Variants in FLACC1 observed in about 807,000 individuals in gnomAD.
The protein encoded by FLACC1 is flagellum-associated coiled-coil domain-containing protein 1.
In FLACC1, 66 loss-of-function variants were observed where a neutral mutation model predicts 62.8. The ratio of observed to expected loss-of-function variants is 1.05; its 90% CI spans 0.86 to 1.29. The LOEUF is 1.29. Ranked by LOEUF, FLACC1 falls within the 50% of genes most tolerant of loss-of-function variation. The pLI is 0.00. For synonymous variants in FLACC1, 156 were observed against 161.0 expected (o/e 0.97, Z 0.24); for missense variants, 452 against 489.1 (o/e 0.92, Z 0.71).
chr2:201,346,663 CGTT>C lies in FLACC1; in HGVS notation c.244_246del (p.Asn82del). 6.2e-7 allele frequency: 1 copy of C among 1,614,190 alleles called. No homozygotes were observed. The highest frequency in any genetic ancestry group is 8.5e-7 in the Non-Finnish European group (1 of 1,180,032). On this transcript the variant is annotated inframe_deletion, in exon 5 of 15. Coordinates refer to ENST00000392257, the MANE Select transcript of FLACC1 (RefSeq NM_001127391.3). The surrounding 1 kb of genome is among the most constrained non-coding windows in gnomAD (Gnocchi z 4.0). Reference sequence around the variant, plus strand: ...CGAACAAGTTGATAGCCAGGTGACACGTTGATCACTTCCTAGGCATCAAGGGAA... The same window carrying C: ...CGAACAAGTTGATAGCCAGGTGACACGATCACTTCCTAGGCATCAAGGGAA...
Position 201,313,225 on chromosome 2 carries a change from G to T in FLACC1, c.676-3975C>A, listed in dbSNP as rs539197620. Among the ~76,000 whole-genome samples the T allele has an allele frequency of 2.0e-5, 3 of 152,264 alleles. No homozygotes were observed. The East Asian group carries it at 5.8e-4, about 29-fold the overall frequency. On this transcript the variant is annotated intron_variant, in intron 9 of 14. Coordinates refer to ENST00000392257, the MANE Select transcript of FLACC1 (RefSeq NM_001127391.3). ...GAAATCTCCTGGCCAGAACTTGGGG[G>T]AAGGCATGAATCTGGTGTGCAGACT...
At chr2:201,335,826 AT>A (rs1950684655) in intron 7 of FLACC1, among the ~76,000 whole-genome samples, 1 of 152,026 alleles carries the variant, frequency 6.6e-6, no homozygotes, top group Non-Finnish European at 1.5e-5. Context: ...CTTTCCATTT[AT>A]TTGCTGCTTC....
upstream of FLACC1, among the ~76,000 whole-genome samples, chr2:201,357,747 C>T (rs1157890543): frequency 1.3e-5 from 2 of 152,038 alleles, no homozygotes; most frequent in Non-Finnish European, 2.9e-5. Flanking sequence ...GCTTTGAAAT[C>T]TGTGAAAGTA....
chr2:201,314,663 C>T (rs1464847004), intron 9 of FLACC1, among the ~76,000 whole-genome samples: 3 of 151,960 alleles, frequency 2.0e-5, no homozygotes, highest in Non-Finnish European at 1.5e-5. Context: ...ACCTAGATAT[C>T]CAAATACAAG....
chr2:201,304,698 G>T (rs1037437067), intron 11 of FLACC1, among the ~76,000 whole-genome samples: 1 of 152,192 alleles, frequency 6.6e-6, no homozygotes, highest in African/African-American at 2.4e-5. Context: ...CAAGGCTACA[G>T]TAACCAAAAC....
intron 5 of FLACC1, among the ~76,000 whole-genome samples, chr2:201,345,959 G>A (rs1380451708): frequency 1.3e-5 from 2 of 152,200 alleles, no homozygotes; most frequent in Non-Finnish European, 1.5e-5. Flanking sequence ...GAGGTCAGGA[G>A]TTTGAGAACA....
chr2:201,294,673 G>A (rs1272170881), intron 12 of FLACC1, among the ~76,000 whole-genome samples: 2 of 152,164 alleles, frequency 1.3e-5, no homozygotes, highest in African/African-American at 4.8e-5. Flanking sequence ...TCTGGCCAGG[G>A]CAATGAGGCA....
the FLACC1 span, among the ~76,000 whole-genome samples, chr2:201,363,585 C>G: frequency 6.6e-6 from 1 of 151,932 alleles, no homozygotes. Context: ...CCATTTTCCT[C>G]GATCAGCAGT....
At chr2:201,303,804 T>C (rs1026009988) in intron 11 of FLACC1, among the ~76,000 whole-genome samples, 2 of 152,122 alleles carry the variant, frequency 1.3e-5, no homozygotes, top group African/African-American at 4.8e-5. Context: ...TAATCCATCA[T>C]ATCAACAGTA....
chr2:201,289,261 C>T (rs182253301), intron 14 of FLACC1, among the ~76,000 whole-genome samples, 196 bp downstream of exon 14: 527 of 152,284 alleles, frequency 3.5e-3, no homozygotes, highest in Non-Finnish European at 4.4e-3. Flanking sequence ...GAAGTATAGA[C>T]ACATCTCCAC....
At chr2:201,310,415 T>C (rs1950196297) in intron 9 of FLACC1, among the ~76,000 whole-genome samples, 2 of 152,202 alleles carry the variant, frequency 1.3e-5, no homozygotes, top group African/African-American at 4.8e-5. Flanking sequence ...CCTGGGACTC[T>C]GGACTCTCAG....
intron 8 of FLACC1, 56 bp from the exon 9 acceptor site, chr2:201,330,578 A>C: frequency 6.3e-7 from 1 of 1,589,224 alleles, no homozygotes; most frequent in Middle Eastern, 1.7e-4. Flanking sequence ...GCACATTTTC[A>C]AATTCAAATG....
chr2:201,355,129 A>G (rs1288215234), intron 1 of FLACC1, among the ~76,000 whole-genome samples: 2 of 152,092 alleles, frequency 1.3e-5, no homozygotes, highest in African/African-American at 4.8e-5. Flanking sequence ...TACTAAAAAC[A>G]CAAAAATTAG....
In FLACC1 at chr2:201,351,281, A is replaced by G. The variant is rs1392762329; in HGVS notation, c.113+11T>C. ...GGTCCCTGTGCCTACCCCATCCCAG[A>G]TAATTCTTACTTGGAACTCCCTGTG... On this transcript the variant is annotated intron_variant, in intron 2 of 14. Transcript: ENST00000392257. The G allele has an allele frequency of 3.1e-6, 5 of 1,594,248 alleles. No homozygotes were observed. In the African/African-American group the frequency reaches 4.0e-5, roughly 13 times the overall value.
upstream of FLACC1, among the ~76,000 whole-genome samples, chr2:201,360,232 C>A (rs1437199627): frequency 6.6e-6 from 1 of 152,124 alleles, no homozygotes; most frequent in East Asian, 1.9e-4. Flanking sequence ...AGTAACTTCG[C>A]CTAAAGCAAA....
chr2:201,288,823 G>A, intron 14 of FLACC1, 42 bp from the exon 15 acceptor site: 1 of 1,603,072 alleles, frequency 6.2e-7, no homozygotes, highest in South Asian at 1.1e-5. Flanking sequence ...CAACTCAAAA[G>A]CTAGAAAGGG....
intron 9 of FLACC1, among the ~76,000 whole-genome samples, chr2:201,318,808 G>A (rs544351261): frequency 2.0e-5 from 3 of 152,306 alleles, no homozygotes; most frequent in African/African-American, 7.2e-5. Context: ...ACTTGGATGA[G>A]ATTGGAGACT....
intron 7 of FLACC1, among the ~76,000 whole-genome samples, chr2:201,339,335 A>G (rs571711736): frequency 3.2e-4 from 48 of 151,770 alleles, no homozygotes; most frequent in Non-Finnish European, 4.3e-4. Flanking sequence ...CTACTGGTTT[A>G]TCAATTTGGT....
intron 6 of FLACC1, among the ~76,000 whole-genome samples, chr2:201,343,362 C>T (rs1370376048): frequency 6.6e-6 from 1 of 152,156 alleles, no homozygotes; most frequent in Non-Finnish European, 1.5e-5. Flanking sequence ...GTCTCATTTT[C>T]CTTTCTATAG....
Sources: gnomAD v4.1 joint callset for allele counts (sites outside exome capture counted in the v4.1 genomes callset) on GRCh38, gnomAD v4.1.1 for gene constraint, Gnocchi (gnomAD v3.1) non-coding constraint, MANE v1.5 for transcripts, NCBI Gene and HGNC (gene_info 2026-07-23, HGNC 2026-07-21) for gene names.